TEX14: variants seen among roughly 807,000 people sequenced by gnomAD.
TEX14 encodes the protein inactive serine/threonine-protein kinase TEX14.
Under a neutral mutation model 178.6 loss-of-function variants are expected in TEX14, and 168 were observed. The observed-to-expected ratio is 0.94, with a 90% CI of 0.83 to 1.07. TEX14 has a LOEUF of 1.07. Among genes scored for constraint, TEX14 ranks in the 50% least tolerant of loss-of-function variants. The probability of loss-of-function intolerance (pLI) is 0.00; values close to 1 mark genes in which losing one functional copy is unlikely to be tolerated. For missense variants in TEX14, 1,730 were observed against 1,753.6 expected (o/e 0.99, Z 0.24); for synonymous variants, 626 against 634.1 (o/e 0.99, Z 0.19).
chr17:58,679,625 G>C (rs779752859), intron 1 of TEX14: 1 of 152,320 alleles, frequency 6.6e-6, no homozygotes, highest in South Asian at 2.1e-4. Context: ...CACAATGCAA[G>C]AGACAAACCT....
chr17:58,588,312 T>C (rs2045032579), intron 15 of TEX14, among the ~76,000 whole-genome samples: 1 of 152,162 alleles, frequency 6.6e-6, no homozygotes, highest in Non-Finnish European at 1.5e-5. Flanking sequence ...CATTTGTAGT[T>C]GTTGAGACAG....
intron 1 of TEX14, among the ~76,000 whole-genome samples, chr17:58,672,099 T>G (rs1419678105): frequency 1.3e-5 from 2 of 152,166 alleles, no homozygotes; most frequent in African/African-American, 4.8e-5. Context: ...ATAAGGAGTG[T>G]GCAACCTAGA....
chr17:58,587,843 ACCCACC>A (rs2144419499), intron 16 of TEX14, 47 bp downstream of exon 16: 5 of 1,118,848 alleles, frequency 4.5e-6, no homozygotes, highest in Non-Finnish European at 5.5e-6. Context: ...GGGTGCCAGA[ACCCACC>A]CCCACCCCCG....
chr17:58,602,608 T>C lies in TEX14; in HGVS notation c.1337-18A>G, dbSNP rs1315818500. On this transcript the variant is annotated intron_variant, in intron 11 of 31. Coordinates refer to ENST00000349033, the MANE Select transcript of TEX14 (RefSeq NM_031272.5). ...TATGTCATCTGTAAGGAAAAAGTCA[T>C]ACAAAAGAGTAAATTAGGAAACCAA... The C allele has an allele frequency of 3.8e-6, 6 of 1,591,880 alleles. No individual in the cohort carries two copies. The highest frequency in any genetic ancestry group is 3.5e-5 in the Admixed American group (2 of 56,822).
Position 58,570,331 on chromosome 17 carries a change from C to T in TEX14, c.3817+54G>A, listed in dbSNP as rs143130144. The T allele has an allele frequency of 3.8e-4, 444 of 1,170,126 alleles. 1 individual carries two copies. Among genetic ancestry groups the T allele is most frequent in the Admixed American group, 1.3e-3 (45 of 33,350 alleles). The allele number at this position is 1,170,126 out of a possible 1,614,324, so 72.5% of individuals were successfully genotyped here. A position where few individuals can be genotyped will look rare whatever the true frequency, so the allele number is the denominator to read the frequency against. On this transcript the variant is annotated intron_variant, in intron 25 of 31. Coordinates refer to ENST00000349033, the MANE Select transcript of TEX14 (RefSeq NM_031272.5). ...TGTGGCATCAAAGATTGATAAGCAT[C>T]AATTTAAGCCTCCTTGATTATAAAC...
chr17:58,561,489 A>C (rs1471160584), intron 29 of TEX14, 31 bp downstream of exon 29: 7 of 1,475,028 alleles, frequency 4.7e-6, no homozygotes, highest in African/African-American at 1.4e-5. Context: ...CTGAAAAAGA[A>C]GAAAAGGATT....
intron 1 of TEX14, chr17:58,661,231 C>T (rs752849369): frequency 5.0e-6 from 4 of 794,870 alleles, no homozygotes; most frequent in Non-Finnish European, 7.0e-6. Context: ...CAAACTCGGC[C>T]ACACGATAGT....
intron 2 of TEX14, among the ~76,000 whole-genome samples, chr17:58,642,069 A>C (rs1032222082): frequency 6.6e-6 from 1 of 152,228 alleles, no homozygotes; most frequent in African/African-American, 2.4e-5. Flanking sequence ...CTCAAAGTTC[A>C]GTCTGAATGA....
intron 18 of TEX14, 42 bp from the exon 19 acceptor site, chr17:58,584,642 T>C (rs1458007939): frequency 2.8e-6 from 4 of 1,448,678 alleles, no homozygotes; most frequent in East Asian, 2.3e-5. Flanking sequence ...CATTCAGTGA[T>C]ATTCAGACAA....
chr17:58,666,011 T>A (rs1233158220), intron 1 of TEX14, among the ~76,000 whole-genome samples: 2 of 146,686 alleles, frequency 1.4e-5, no homozygotes, highest in Non-Finnish European at 3.0e-5. Context: ...ATTGTGCCAC[T>A]CAACTCCAGC....
At chr17:58,620,498 TA>T (rs1180467548) in intron 5 of TEX14, among the ~76,000 whole-genome samples, 3 of 149,104 alleles carry the variant, frequency 2.0e-5, no homozygotes, top group Non-Finnish European at 3.0e-5. Flanking sequence ...ACTCGGCTAA[TA>T]TTTTTTTTTT....
In TEX14 at chr17:58,592,759, G is replaced by A. The variant is rs183355743; in HGVS notation, c.2576+796C>T. The stretch of plus-strand genomic sequence containing the variant: ...TCACCATGTTGGCCAGGCTGCTCTC[G>A]AACTCCTGACCTCAAGTGATCCGCC... On this transcript the variant is annotated intron_variant, in intron 15 of 31. Transcript: ENST00000349033. Among the ~76,000 whole-genome samples, 809 of 152,036 alleles carry A rather than the reference G, an allele frequency of 5.3e-3. 2 individuals are homozygous for A. Among genetic ancestry groups the A allele is most frequent in the Middle Eastern group, 0.01 (3 of 292 alleles).
chr17:58,609,988 C>A (rs1048454502), intron 10 of TEX14, among the ~76,000 whole-genome samples: 5 of 152,192 alleles, frequency 3.3e-5, no homozygotes, highest in Non-Finnish European at 7.3e-5. Flanking sequence ...AAGGGGTCTG[C>A]CCAGTGGCTG....
intron 1 of TEX14, among the ~76,000 whole-genome samples, chr17:58,684,577 G>A (rs1298007144): frequency 6.6e-6 from 1 of 151,910 alleles, no homozygotes; most frequent in Non-Finnish European, 1.5e-5. Context: ...AGTGGTGGCA[G>A]TGAGAAGATC....
At position 58,564,849 on chromosome 17, in the gene TEX14, AG is replaced by A. The variant is rs1324567056; in HGVS notation, c.4064+19del. 3.5e-6 allele frequency: 5 copies of A among 1,425,426 alleles called. No homozygotes were observed. Among genetic ancestry groups the A allele is most frequent in the Admixed American group, 4.2e-5 (2 of 47,790 alleles). The allele number at this position is 1,425,426 out of a possible 1,614,324, so 88.3% of individuals were successfully genotyped here. On this transcript the variant is annotated intron_variant, in intron 28 of 31. Transcript: ENST00000349033. ...ATACAATTTTTTAAATCCTTTCAAC[AG>A]TCCAGCTTTTCCTGTTACCTCTCTG... is the stretch of plus-strand genomic sequence containing the variant.
At chr17:58,681,481 T>G (rs759635506) in intron 1 of TEX14, among the ~76,000 whole-genome samples, 1 of 152,176 alleles carries the variant, frequency 6.6e-6, no homozygotes, top group Non-Finnish European at 1.5e-5. Flanking sequence ...AATATATATA[T>G]ACATACACAC....
chr17:58,685,807 C>G (rs2143594602), intron 1 of TEX14, among the ~76,000 whole-genome samples: 1 of 151,450 alleles, frequency 6.6e-6, no homozygotes, highest in East Asian at 2.0e-4. Flanking sequence ...GCCTGGCCAA[C>G]ATGGTGAAAC....
intron 1 of TEX14, among the ~76,000 whole-genome samples, chr17:58,659,151 C>A (rs1014419834): frequency 6.6e-6 from 1 of 150,938 alleles, no homozygotes; most frequent in Non-Finnish European, 1.5e-5. Context: ...AATCACAGGA[C>A]AGAAAAGCGC....
intron 2 of TEX14, among the ~76,000 whole-genome samples, chr17:58,635,747 T>A (rs904639591): frequency 1.3e-5 from 2 of 151,428 alleles, no homozygotes; most frequent in African/African-American, 4.9e-5. Flanking sequence ...GGCTTCTCTT[T>A]TTTTTTGAGA....
Sources: gnomAD v4.1 joint callset for allele counts (sites outside exome capture counted in the v4.1 genomes callset) on GRCh38, gnomAD v4.1.1 for gene constraint, MANE v1.5 for transcripts, NCBI Gene and HGNC (gene_info 2026-07-23, HGNC 2026-07-21) for gene names.